CD163L1: variants seen among roughly 807,000 people sequenced by gnomAD.
CD163L1 encodes scavenger receptor cysteine-rich type 1 protein M160.
In CD163L1, 124 loss-of-function variants were observed where a neutral mutation model predicts 165.4. The observed-to-expected ratio is 0.75, with a 90% CI of 0.65 to 0.87. CD163L1 has a LOEUF of 0.87. Among genes scored for constraint, CD163L1 ranks in the 40% least tolerant of loss-of-function variants. The probability of loss-of-function intolerance (pLI) is 0.00; values close to 1 mark genes in which losing one functional copy is unlikely to be tolerated. For synonymous variants in CD163L1, 585 were observed against 662.2 expected (o/e 0.88, Z 1.79); for missense variants, 1,525 against 1,799.9 (o/e 0.85, Z 2.76).
rs749431059 is a variant in CD163L1, at chr12:7,372,037, ATACAAT to A, written c.3730+1277_3730+1282del. 2.6e-5 allele frequency among the ~76,000 whole-genome samples: 4 copies of A among 151,924 alleles called. No individual in the cohort carries two copies. The highest frequency in any genetic ancestry group is 5.9e-5 in the Non-Finnish European group (4 of 67,948). ...GTTTGGGGAATGATATTATTTTGTG[ATACAAT>A]TACAATAGTAAAAAGAAGCAAAATG... On this transcript the variant is annotated intron_variant, in intron 14 of 19. Transcript: ENST00000313599. This position sits in a 1 kb window ranked among gnomAD's most constrained non-coding sequence, Gnocchi z 4.2.
At chr12:7,324,168 A>T in the CD163L1 span, 15 of 1,364,230 alleles carry the variant, frequency 1.1e-5, no homozygotes, top group Admixed American at 2.7e-5. Context: ...AAAAAAAAAA[A>T]TTTCCTATAT....
chr12:7,378,991 A>G lies in CD163L1; in HGVS notation c.2358T>C (p.Ser786=). The G allele has an allele frequency of 6.2e-7, 1 of 1,604,786 alleles. No homozygotes were observed. Among genetic ancestry groups the G allele is most frequent in the Non-Finnish European group, 8.5e-7 (1 of 1,172,042 alleles). The change falls in exon 9 of 20, where the codon AGT becomes AGC. Residue 786 remains serine (S), a synonymous_variant. Transcript: ENST00000313599. The part of the protein sequence containing the change: ...QTACHLNMEA[S]LICSAHRQPR... ...TCCAGAAATTACCTGAGCAGATCAA[A>G]CTTGCTTCCATATTTAAATGACACG...
intron 1 of CD163L1, among the ~76,000 whole-genome samples, chr12:7,443,807 C>T (rs1012217199): frequency 5.3e-5 from 8 of 152,112 alleles, no homozygotes; most frequent in Non-Finnish European, 1.2e-4. Flanking sequence ...TAATTTATCC[C>T]TTCTTTCTAT....
chr12:7,427,828 T>C (rs1300853664), intron 4 of CD163L1, among the ~76,000 whole-genome samples: 1 of 152,112 alleles, frequency 6.6e-6, no homozygotes, highest in African/African-American at 2.4e-5. Flanking sequence ...ATGGTACTGG[T>C]CAATGATTAA....
intron 8 of CD163L1, among the ~76,000 whole-genome samples, chr12:7,395,621 C>A (rs962707564): frequency 1.3e-5 from 2 of 151,900 alleles, no homozygotes; most frequent in African/African-American, 4.8e-5. Context: ...AAACCATAAA[C>A]CCAGACCTCT....
chr12:7,341,426 A>AT, the CD163L1 span, among the ~76,000 whole-genome samples: 1 of 152,118 alleles, frequency 6.6e-6, no homozygotes, highest in Non-Finnish European at 1.5e-5. Context: ...CCTCTTTTCC[A>AT]TTTTTTTGTG....
At chr12:7,326,859 C>A in the CD163L1 span, 23 of 1,143,000 alleles carry the variant, frequency 2.0e-5, no homozygotes, top group Non-Finnish European at 2.6e-5. Flanking sequence ...CTGGCATTTG[C>A]AGTCATCACA....
intron 4 of CD163L1, among the ~76,000 whole-genome samples, chr12:7,417,560 G>A (rs1948271055): frequency 6.6e-6 from 1 of 152,058 alleles, no homozygotes; most frequent in Non-Finnish European, 1.5e-5. Flanking sequence ...GTCATAAATA[G>A]CTCTTATTAT....
At chr12:7,361,472 C>T (rs1252248741) in intron 18 of CD163L1, among the ~76,000 whole-genome samples, 1 of 152,200 alleles carries the variant, frequency 6.6e-6, no homozygotes, top group Non-Finnish European at 1.5e-5. Context: ...TTCTTTCATG[C>T]TCTGCTATTC....
rs867453656 is a variant in CD163L1, at chr12:7,433,511, G to C, written c.308C>G (p.Ala103Gly). 1 of 1,614,114 alleles carries C rather than the reference G, an allele frequency of 6.2e-7. No individual in the cohort carries two copies. Among genetic ancestry groups the C allele is most frequent in the Non-Finnish European group, 8.5e-7 (1 of 1,180,018 alleles). ...FSFAMFRFGQ[A>G]VTRHGKIWLD... ...CCAAATTTTTCCATGTCTAGTCACG[G>C]CTTGTCCAAAACGAAACATGGCGAA... The change falls in exon 3 of 20, where the codon GCC becomes GGC. Residue 103 changes from alanine to glycine, a missense_variant. Physicochemically the swap from Ala to Gly is moderately conservative, Grantham distance 60 (BLOSUM62 0). Transcript: ENST00000313599.
At chr12:7,384,357 G>A (rs937123601) in intron 8 of CD163L1, among the ~76,000 whole-genome samples, 1 of 151,986 alleles carries the variant, frequency 6.6e-6, no homozygotes, top group Non-Finnish European at 1.5e-5. Flanking sequence ...ATGGACAATG[G>A]CATAGAAAAC....
intron 8 of CD163L1, among the ~76,000 whole-genome samples, chr12:7,385,923 A>T (rs1947505883): frequency 6.6e-6 from 1 of 152,110 alleles, no homozygotes; most frequent in Non-Finnish European, 1.5e-5. Flanking sequence ...AAACAATCTA[A>T]TGATGTATCA....
chr12:7,389,972 A>G (rs952577276), intron 8 of CD163L1, among the ~76,000 whole-genome samples: 1 of 146,216 alleles, frequency 6.8e-6, no homozygotes, highest in Non-Finnish European at 1.5e-5. Context: ...ATATATATAT[A>G]TATATATATA....
chr12:7,407,400 A>T (rs1948046685), intron 4 of CD163L1, among the ~76,000 whole-genome samples: 1 of 152,118 alleles, frequency 6.6e-6, no homozygotes, highest in Non-Finnish European at 1.5e-5. Flanking sequence ...GGAACAAACG[A>T]AACAAATGAA....
chr12:7,410,252 G>A (rs889773468), intron 4 of CD163L1, among the ~76,000 whole-genome samples: 7 of 152,134 alleles, frequency 4.6e-5, no homozygotes, highest in African/African-American at 1.7e-4. Flanking sequence ...AAATATTTGT[G>A]TAATTGGAGT....
In CD163L1 at chr12:7,415,152, T is replaced by C. The variant is rs146673609; in HGVS notation, c.767-8300A>G. On this transcript the variant is annotated intron_variant, in intron 4 of 19. Transcript: ENST00000313599. ...CAGTAATTTGTTACTGGATAAAAAA[T>C]ATAAAGATATGTATATTCTGACATG... Among the ~76,000 whole-genome samples the C allele has an allele frequency of 7.1e-3, 1,088 of 152,212 alleles. 15 individuals carry two copies. Among genetic ancestry groups the C allele is most frequent in the African/African-American group, 0.025 (1,031 of 41,546 alleles).
chr12:7,443,883 T>C (rs1447911806), intron 1 of CD163L1, among the ~76,000 whole-genome samples: 1 of 152,210 alleles, frequency 6.6e-6, no homozygotes, highest in Non-Finnish European at 1.5e-5. Context: ...TTCTGTTTAC[T>C]TTATTAATGT....
Position 7,368,235 on chromosome 12 carries a change from T to C in CD163L1, c.4073-38A>G. On this transcript the variant is annotated intron_variant, in intron 16 of 19. Transcript: ENST00000313599. The surrounding 1 kb of genome is among the most constrained non-coding windows in gnomAD (Gnocchi z 4.3). ...TAAGCATTGATAAGTATTAAACTAG[T>C]AGATATCAATTGTGGGTTTATACAT... 8.6e-7 allele frequency: 1 copy of C among 1,156,706 alleles called. No homozygotes were observed. Among genetic ancestry groups the C allele is most frequent in the Non-Finnish European group, 1.3e-6 (1 of 774,338 alleles). 71.7% of individuals were successfully genotyped at this position (1,156,706 alleles called of 1,614,324 possible).
downstream of CD163L1, among the ~76,000 whole-genome samples, chr12:7,345,572 C>T (rs190314365): frequency 2.2e-3 from 329 of 152,288 alleles, 2 homozygotes; most frequent in African/African-American, 7.6e-3. Flanking sequence ...TCTTCTGAGT[C>T]CTCCCAACTC....
Sources: allele counts gnomAD v4.1 joint callset (sites outside exome capture counted in the v4.1 genomes callset), GRCh38; gene constraint gnomAD v4.1.1; non-coding constraint Gnocchi (gnomAD v3.1); transcripts MANE v1.5; gene names NCBI Gene and HGNC (gene_info 2026-07-23, HGNC 2026-07-21).